The following STON1 variants were observed in gnomAD, a reference collection of about 807,000 sequenced individuals.
STON1 encodes stonin 1, also known as stonin-1.
STON1 carries 79 observed loss-of-function variants against 60.9 expected under a neutral mutation model. The ratio of observed to expected loss-of-function variants is 1.30; its 90% CI spans 1.08 to 1.56. STON1 has a LOEUF of 1.56. Among genes scored for constraint, STON1 ranks in the 40% most tolerant of loss-of-function variants. The probability of loss-of-function intolerance (pLI) is 0.00; values close to 1 mark genes in which losing one functional copy is unlikely to be tolerated. For synonymous variants in STON1, 363 were observed against 306.9 expected, an observed-to-expected ratio of 1.18 and a Z score of -1.91; for missense variants, 1,166 against 858.9, an observed-to-expected ratio of 1.36 and a Z score of -4.47.
intron 1 of STON1, among the ~76,000 whole-genome samples, chr2:48,564,495 C>CT (rs1672802343): frequency 1.4e-3 from 32 of 23,234 alleles, no homozygotes; most frequent in Admixed American, 2.2e-3. Flanking sequence ...TCTTCTTCTT[C>CT]TTCTTCTTCT....
chr2:48,562,050 G>A (rs902054634), intron 1 of STON1, among the ~76,000 whole-genome samples: 1 of 152,062 alleles, frequency 6.6e-6, no homozygotes, highest in African/African-American at 2.4e-5. Context: ...TAGTAGAAAC[G>A]GGGTTCTACC....
intron 1 of STON1, among the ~76,000 whole-genome samples, chr2:48,567,329 T>C (rs1290654482): frequency 6.6e-6 from 1 of 152,226 alleles, no homozygotes; most frequent in Non-Finnish European, 1.5e-5. Flanking sequence ...TAAGGTATTG[T>C]GTTTTCTGAT....
chr2:48,571,088 T>C lies in STON1; in HGVS notation c.-47-9499T>C, dbSNP rs889244610. The stretch of plus-strand genomic sequence containing the variant: ...CCAGGCTGCTCTTGAACTCCTGGCC[T>C]CCAGTGATCTGCCCGCCTTGGCCTT... On this transcript the variant is annotated intron_variant, in intron 1 of 3. Coordinates refer to ENST00000404752, the MANE Select transcript of STON1 (RefSeq NM_006873.4). Among the ~76,000 whole-genome samples the C allele has an allele frequency of 1.9e-3, 284 of 152,234 alleles. 2 individuals are homozygous for C. The highest frequency in any genetic ancestry group is 6.5e-3 in the African/African-American group (270 of 41,540).
At chr2:48,538,972 C>T (rs1452541026) in intron 1 of STON1, among the ~76,000 whole-genome samples, 1 of 151,884 alleles carries the variant, frequency 6.6e-6, no homozygotes, top group African/African-American at 2.4e-5. Flanking sequence ...TGCTGGAGTG[C>T]AGCGGCACCA....
In STON1 at chr2:48,534,867, C is replaced by T. The variant is rs561372590; in HGVS notation, c.-48+4651C>T. The stretch of plus-strand genomic sequence containing the variant: ...AAATGCCTCCCATCTCTTCCAGCTC[C>T]GCCAGTCACTTCTCTTTAGAAGTCT... On this transcript the variant is annotated intron_variant, in intron 1 of 3. Coordinates refer to ENST00000404752, the MANE Select transcript of STON1 (RefSeq NM_006873.4). Among the ~76,000 whole-genome samples, 61 of 152,258 alleles carry T rather than the reference C, an allele frequency of 4.0e-4. 3 individuals carry two copies. In the South Asian group the frequency reaches 8.3e-3, roughly 21 times the overall value.
chr2:48,585,628 C>G (rs540203193), intron 2 of STON1, among the ~76,000 whole-genome samples: 1 of 152,314 alleles, frequency 6.6e-6, no homozygotes, highest in African/African-American at 2.4e-5. Flanking sequence ...GTTTTAAGGT[C>G]TTCATACAAG....
chr2:48,578,540 TCTCCTCCTTCTC>T (rs1436354481), intron 1 of STON1, among the ~76,000 whole-genome samples: 1 of 143,362 alleles, frequency 7.0e-6, no homozygotes, highest in Non-Finnish European at 1.5e-5. Context: ...TTCTCCTCCT[TCTCCTCCTTCTC>T]CTCCTTCTCC....
intron 1 of STON1, among the ~76,000 whole-genome samples, chr2:48,578,187 TGCTG>T (rs757886680): frequency 1.7e-4 from 25 of 151,510 alleles, no homozygotes; most frequent in Non-Finnish European, 7.4e-5. Flanking sequence ...ATGTTGGCCA[TGCTG>T]GCCTTGGACT....
At chr2:48,593,476 AC>A (rs1181951233) in intron 3 of STON1, among the ~76,000 whole-genome samples, 1 of 152,254 alleles carries the variant, frequency 6.6e-6, no homozygotes, top group Non-Finnish European at 1.5e-5. Context: ...TGCATTACAG[AC>A]AGGTGGTTCA....
At chr2:48,545,542 A>T (rs929616720) in intron 1 of STON1, among the ~76,000 whole-genome samples, 17 of 151,872 alleles carry the variant, frequency 1.1e-4, no homozygotes, top group Non-Finnish European at 1.3e-4. Flanking sequence ...TGCCTCAGTC[A>T]CTCTCTGCCT....
intron 1 of STON1, among the ~76,000 whole-genome samples, chr2:48,578,895 T>C (rs944351911): frequency 3.3e-5 from 5 of 151,984 alleles, no homozygotes; most frequent in Non-Finnish European, 5.9e-5. Flanking sequence ...CTGGCCTTAA[T>C]TCTTCCTCCA....
chr2:48,545,420 C>T (rs1395933321), intron 1 of STON1, among the ~76,000 whole-genome samples: 3 of 152,272 alleles, frequency 2.0e-5, no homozygotes, highest in South Asian at 2.1e-4. Flanking sequence ...ACCACACGGG[C>T]GCGCACAGAC....
chr2:48,532,481 C>T (rs968523220), intron 1 of STON1, among the ~76,000 whole-genome samples: 3 of 150,154 alleles, frequency 2.0e-5, no homozygotes, highest in African/African-American at 7.3e-5. Context: ...AAATTCTGAG[C>T]TTGTTTGGCC....
Position 48,557,331 on chromosome 2 carries a change from C to CA in STON1, c.-47-23255dup, listed in dbSNP as rs1372626374. On this transcript the variant is annotated intron_variant, in intron 1 of 3. Coordinates refer to ENST00000404752, the MANE Select transcript of STON1 (RefSeq NM_006873.4). The stretch of plus-strand genomic sequence containing the variant: ...CCGGGCAGAGGCGCTCCTCACATCC[C>CA]AGATGGGGCGGCGGGGCAGAGGCGC... 4.6e-4 allele frequency among the ~76,000 whole-genome samples: 43 copies of CA among 92,742 alleles called. 4 individuals carry two copies. The highest frequency in any genetic ancestry group is 4.0e-3 in the South Asian group (9 of 2,234). The allele number at this position is 92,742 out of a possible 152,430, so 60.8% of individuals were successfully genotyped here. A position where few individuals can be genotyped will look rare whatever the true frequency, so the allele number is the denominator to read the frequency against.
Position 48,582,365 on chromosome 2 carries a change from T to C in STON1, c.1732T>C (p.Trp578Arg), listed in dbSNP as rs1673942072. The part of the protein sequence containing the change: ...IRIHFPVPSQ[W>R]IKALWTMNLQ... ...GATACACTTTCCTGTCCCATCGCAG[T>C]GGATCAAGGCCCTTTGGACCATGAA... Residue 578 changes from tryptophan (W) to arginine (R), a missense_variant, in exon 2 of 4, where the codon TGG becomes CGG. Trp to Arg is a moderately radical substitution (Grantham distance 101). Coordinates refer to ENST00000404752, the MANE Select transcript of STON1 (RefSeq NM_006873.4). The C allele has an allele frequency of 1.2e-6, 2 of 1,614,192 alleles. No individual in the cohort carries two copies. The highest frequency in any genetic ancestry group is 1.7e-6 in the Non-Finnish European group (2 of 1,180,028).
chr2:48,585,081 C>G (rs867743144), intron 2 of STON1, among the ~76,000 whole-genome samples: 3 of 152,090 alleles, frequency 2.0e-5, no homozygotes. Context: ...TTCAGTTCCC[C>G]CATACTAGCA....
At chr2:48,533,195 A>G (rs1028373002) in intron 1 of STON1, among the ~76,000 whole-genome samples, 2 of 152,122 alleles carry the variant, frequency 1.3e-5, no homozygotes, top group Non-Finnish European at 2.9e-5. Context: ...CAGCCTGGCC[A>G]ACATAGTGAA....
intron 1 of STON1, among the ~76,000 whole-genome samples, chr2:48,565,104 G>A (rs1672883754): frequency 6.9e-6 from 1 of 144,020 alleles, no homozygotes; most frequent in Non-Finnish European, 1.5e-5. Flanking sequence ...CCAGGCTGGA[G>A]TGCAGTGGTG....
intron 1 of STON1, among the ~76,000 whole-genome samples, chr2:48,553,347 G>C (rs1477278831): frequency 6.6e-6 from 1 of 151,752 alleles, no homozygotes; most frequent in Non-Finnish European, 1.5e-5. Flanking sequence ...CCTCTCTGTA[G>C]ACCCTTCCCT....
Sources: allele counts gnomAD v4.1 joint callset (sites outside exome capture counted in the v4.1 genomes callset), GRCh38; gene constraint gnomAD v4.1.1; transcripts MANE v1.5; gene names NCBI Gene and HGNC (gene_info 2026-07-23, HGNC 2026-07-21).